TEX11: variants seen among roughly 807,000 people sequenced by gnomAD.
The protein encoded by TEX11 is testis expressed 11.
In TEX11, 7 loss-of-function variants were observed where a neutral mutation model predicts 84.4. The observed-to-expected ratio is 0.08, with a 90% confidence interval of 0.05 to 0.16. TEX11 has a LOEUF of 0.16. Among genes scored for constraint, TEX11 ranks in the 10% least tolerant of loss-of-function variants. The probability of loss-of-function intolerance (pLI) is 1.00; values close to 1 mark genes in which losing one functional copy is unlikely to be tolerated. For missense variants in TEX11, 551 were observed against 660.5 expected (o/e 0.83, Z 1.82); for synonymous variants, 264 against 222.8 (o/e 1.18, Z -1.64).
At chrX:70,533,054 AAAAAT>A (rs905965984) in intron 28 of TEX11, among the ~76,000 whole-genome samples, 10 of 111,516 alleles carry the variant, frequency 9.0e-5, no homozygotes, top group Admixed American at 1.9e-4. Context: ...ATAAATAAAT[AAAAAT>A]AAAATAAAAT....
intron 13 of TEX11, among the ~76,000 whole-genome samples, chrX:70,707,520 T>A (rs1440426713): frequency 7.2e-5 from 8 of 111,094 alleles, no homozygotes; most frequent in Non-Finnish European, 1.9e-5. Context: ...CCATCAAGCA[T>A]TCCCTGACTA....
rs184544775 is a variant in TEX11 at position 70,667,608 on chromosome X, C to T, written c.1380+2769G>A. On this transcript the variant is annotated intron_variant, in intron 16 of 29. Coordinates refer to ENST00000374333, the MANE Select transcript of TEX11 (RefSeq NM_031276.3). The stretch of plus-strand genomic sequence containing the variant: ...AAGGAAGGTTTTTGGATAAAGAAGA[C>T]TTCAAGGTAATTATAGTGACAGGAG... Among the ~76,000 whole-genome samples the T allele has an allele frequency of 5.0e-3, 556 of 111,997 alleles. 3 individuals carry two copies. Among genetic ancestry groups the T allele is most frequent in the African/African-American group, 0.017 (529 of 30,816 alleles).
chrX:70,642,373 T>G (rs1187888804), intron 17 of TEX11, among the ~76,000 whole-genome samples: 30 of 111,268 alleles, frequency 2.7e-4, no homozygotes, highest in Non-Finnish European at 5.1e-4. Context: ...CTTCTGAAAC[T>G]ATTCCAATCA....
At chrX:70,808,455 A>T (rs906612689) in intron 8 of TEX11, among the ~76,000 whole-genome samples, 1 of 108,733 alleles carries the variant, frequency 9.2e-6, no homozygotes, top group Non-Finnish European at 1.9e-5. Context: ...GTGAGCTGAG[A>T]TCATGCCACC....
intron 25 of TEX11, among the ~76,000 whole-genome samples, chrX:70,584,706 G>A (rs749807285): frequency 1.8e-5 from 2 of 111,880 alleles, no homozygotes; most frequent in Non-Finnish European, 3.8e-5. Context: ...AATCTGATTA[G>A]GTGTGATTTA....
intron 28 of TEX11, among the ~76,000 whole-genome samples, chrX:70,539,624 C>G (rs115002713): frequency 0.056 from 6,181 of 111,211 alleles, 448 homozygotes; most frequent in African/African-American, 0.19. Flanking sequence ...TTATTTAAGT[C>G]TTTGTATATT....
At chrX:70,897,677 GAAAA>G (rs1322972242) in intron 2 of TEX11, 1 of 51,766 alleles carries the variant, frequency 1.9e-5, no homozygotes. Context: ...AACAAAGAAA[GAAAA>G]AGAAAGAAAG....
chrX:70,726,094 T>A (rs1301693040), intron 11 of TEX11, among the ~76,000 whole-genome samples: 2 of 112,395 alleles, frequency 1.8e-5, no homozygotes, highest in East Asian at 5.6e-4. Flanking sequence ...TAAACTGAAG[T>A]TGCCAATTTT....
chrX:70,804,770 A>G (rs1464445414), intron 9 of TEX11, among the ~76,000 whole-genome samples: 2 of 111,275 alleles, frequency 1.8e-5, no homozygotes, highest in Non-Finnish European at 3.8e-5. Flanking sequence ...TTAGAAAATG[A>G]TAACAGATAA....
At chrX:70,560,643 T>C (rs933574330) in intron 25 of TEX11, among the ~76,000 whole-genome samples, 3 of 111,409 alleles carry the variant, frequency 2.7e-5, no homozygotes, top group African/African-American at 9.8e-5. Flanking sequence ...AAGTCCACTT[T>C]ATCAATATTT....
chrX:70,776,420 A>T (rs1408128139), intron 9 of TEX11, among the ~76,000 whole-genome samples: 2 of 109,560 alleles, frequency 1.8e-5, no homozygotes, highest in Non-Finnish European at 3.8e-5. Flanking sequence ...AAATTTAGCC[A>T]GGCGTGGTGG....
intron 13 of TEX11, among the ~76,000 whole-genome samples, chrX:70,717,978 T>A (rs922721451): frequency 8.9e-6 from 1 of 112,610 alleles, no homozygotes; most frequent in African/African-American, 3.2e-5. Context: ...TTGATTACTT[T>A]GTTGACTTGT....
intron 22 of TEX11, among the ~76,000 whole-genome samples, chrX:70,607,331 A>G (rs2089206027): frequency 9.0e-6 from 1 of 111,459 alleles, no homozygotes; most frequent in African/African-American, 3.3e-5. Context: ...GCTCATTCCT[A>G]TAATCCCAGA....
chrX:70,905,983 G>A (rs2091827119), intron 2 of TEX11, among the ~76,000 whole-genome samples: 2 of 91,400 alleles, frequency 2.2e-5, no homozygotes, highest in South Asian at 6.3e-4. Context: ...AACCTGGAAG[G>A]CAGAGGTTGC....
chrX:70,669,340 CTTCT>C (rs2090003300), intron 16 of TEX11, among the ~76,000 whole-genome samples: 1 of 111,903 alleles, frequency 8.9e-6, no homozygotes, highest in Admixed American at 9.5e-5. Context: ...CTGTGATTGC[CTTCT>C]TTATTAGTCT....
At chrX:70,567,420 T>C (rs1008316312) in intron 25 of TEX11, among the ~76,000 whole-genome samples, 8 of 111,044 alleles carry the variant, frequency 7.2e-5, no homozygotes, top group African/African-American at 2.6e-4. Flanking sequence ...TCTGCTCTGA[T>C]TTTAGTTATT....
chrX:70,725,474 C>T (rs896589655), intron 11 of TEX11, 131 bp from the exon 12 acceptor site: 25 of 379,219 alleles, frequency 6.6e-5, no homozygotes, highest in Non-Finnish European at 1.0e-4. Flanking sequence ...TTACAGAAGA[C>T]CATATCATAA....
chrX:70,678,892 GAAAAA>G lies in TEX11; in HGVS notation c.1157-8_1157-4del. 1 of 890,093 alleles carries G rather than the reference GAAAAA, an allele frequency of 1.1e-6. No homozygotes were observed. Among genetic ancestry groups the G allele is most frequent in the Non-Finnish European group, 1.5e-6 (1 of 652,730 alleles). The allele number at this position is 890,093 out of a possible 1,213,427, so 73.4% of individuals were successfully genotyped here. On this transcript the variant is annotated splice_region_variant and splice_polypyrimidine_tract_variant and intron_variant, in intron 14 of 29. Coordinates refer to ENST00000374333, the MANE Select transcript of TEX11 (RefSeq NM_031276.3). ...CAGTTGTCTTCCTGTTTGGTGAGCT[GAAAAA>G]AAAAAAAAGCTCTGAAAATAAGAAT...
chrX:70,667,302 A>G (rs1021238033), intron 16 of TEX11, among the ~76,000 whole-genome samples: 3 of 111,895 alleles, frequency 2.7e-5, no homozygotes, highest in African/African-American at 9.8e-5. Flanking sequence ...TTCTTTACAG[A>G]AAGTTTGTTG....
Sources: allele counts gnomAD v4.1 joint callset (sites outside exome capture counted in the v4.1 genomes callset), GRCh38; gene constraint gnomAD v4.1.1; transcripts MANE v1.5; gene names NCBI Gene and HGNC (gene_info 2026-07-23, HGNC 2026-07-21).